DTNB: variants seen among roughly 807,000 people sequenced by gnomAD.
The protein encoded by DTNB is dystrobrevin beta, also known as DTN-B.
In DTNB, 63 loss-of-function variants were observed where a neutral mutation model predicts 90.7. The observed-to-expected ratio is 0.69, with a 90% CI of 0.57 to 0.86. DTNB has a LOEUF of 0.86. Ranked by LOEUF, DTNB falls within the 40% of genes least tolerant of loss-of-function variation. DTNB has a pLI of 0.00. For missense variants in DTNB, 744 were observed against 807.1 expected (o/e 0.92, Z 0.95); for synonymous variants, 277 against 286.7 (o/e 0.97, Z 0.34).
intron 1 of DTNB, among the ~76,000 whole-genome samples, chr2:25,667,815 C>A (rs2084840641): frequency 6.6e-6 from 1 of 152,180 alleles, no homozygotes; most frequent in Non-Finnish European, 1.5e-5. Flanking sequence ...AAAACCTGCA[C>A]ACGGATGTTT....
chr2:25,447,438 T>C (rs1002567160), intron 12 of DTNB, among the ~76,000 whole-genome samples: 2 of 152,170 alleles, frequency 1.3e-5, no homozygotes, highest in Non-Finnish European at 2.9e-5. Flanking sequence ...AGGAGACGAC[T>C]TCTTCCACTG....
At chr2:25,596,356 T>C (rs919500929) in intron 5 of DTNB, 116 bp from the exon 6 acceptor site, 2 of 1,217,794 alleles carry the variant, frequency 1.6e-6, no homozygotes, top group Non-Finnish European at 2.2e-6. Flanking sequence ...ATCATAAAAT[T>C]ATTGTGACTT....
At chr2:25,478,558 T>C (rs1453237667) in intron 10 of DTNB, among the ~76,000 whole-genome samples, 1 of 152,022 alleles carries the variant, frequency 6.6e-6, no homozygotes, top group African/African-American at 2.4e-5. Context: ...AGAGTCTCGC[T>C]ATGTTGCTGA....
chr2:25,422,695 G>A lies in DTNB; in HGVS notation c.1555-3160C>T, dbSNP rs189211655. Among the ~76,000 whole-genome samples, 790 of 152,186 alleles carry A rather than the reference G, an allele frequency of 5.2e-3. 2 individuals carry two copies. The highest frequency in any genetic ancestry group is 7.4e-3 in the Non-Finnish European group (504 of 68,004). ...TTATAGGCATGAGCCACCACGCCTG[G>A]CCTGGTAAAATGAGTTTCAAAAGCA... On this transcript the variant is annotated intron_variant, in intron 15 of 20. Transcript: ENST00000406818.
intron 4 of DTNB, among the ~76,000 whole-genome samples, chr2:25,619,223 T>C (rs2071710142): frequency 1.3e-5 from 2 of 152,204 alleles, no homozygotes; most frequent in South Asian, 4.1e-4. Flanking sequence ...TGATTGTGGA[T>C]GCTGCCAACC....
At chr2:25,515,645 T>G (rs150658357) in intron 9 of DTNB, among the ~76,000 whole-genome samples, 33 of 152,266 alleles carry the variant, frequency 2.2e-4, no homozygotes, top group African/African-American at 7.2e-4. Context: ...TAGAGTGCAA[T>G]GGCGCAATCT....
At chr2:25,386,867 C>G (rs886846628) in intron 18 of DTNB, among the ~76,000 whole-genome samples, 6 of 152,206 alleles carry the variant, frequency 3.9e-5, no homozygotes, top group Non-Finnish European at 8.8e-5. Flanking sequence ...AGCAGAAAGG[C>G]AGCAGGGGAA....
At position 25,491,210 on chromosome 2, in the gene DTNB, G is replaced by A. The variant is rs143895958; in HGVS notation, c.1002-8337C>T. Among the ~76,000 whole-genome samples, 552 of 151,938 alleles carry A rather than the reference G, an allele frequency of 3.6e-3. 5 individuals are homozygous for A. Among genetic ancestry groups the A allele is most frequent in the African/African-American group, 0.012 (516 of 41,430 alleles). On this transcript the variant is annotated intron_variant, in intron 9 of 20. Coordinates refer to ENST00000406818, the MANE Select transcript of DTNB (RefSeq NM_021907.5). ...GGAGGAAGAGGCAGGGGGAGGGAAC[G>A]AGGGAGGAGAAACTATGGTGTAGAA...
intron 9 of DTNB, among the ~76,000 whole-genome samples, chr2:25,518,334 G>A (rs1348753916): frequency 1.3e-5 from 2 of 152,136 alleles, no homozygotes; most frequent in Non-Finnish European, 2.9e-5. Context: ...CTCAAGGGCA[G>A]AGTGAAACTC....
intron 8 of DTNB, chr2:25,558,417 C>T (rs1340906966): frequency 1.2e-5 from 12 of 984,192 alleles, no homozygotes; most frequent in Non-Finnish European, 4.8e-6. Context: ...TCTGCAAGAA[C>T]AAAAAAAAGA....
intron 10 of DTNB, among the ~76,000 whole-genome samples, chr2:25,472,145 C>T (rs1159819899): frequency 1.3e-5 from 2 of 152,184 alleles, no homozygotes; most frequent in Non-Finnish European, 2.9e-5. Context: ...GGGGAGTCTA[C>T]ACCCTCAAAG....
intron 11 of DTNB, 27 bp from the exon 12 acceptor site, chr2:25,451,662 G>T: frequency 1.3e-6 from 2 of 1,546,886 alleles, no homozygotes; most frequent in South Asian, 2.4e-5. Flanking sequence ...AATGCAACAA[G>T]TGTCTATTAA....
rs936870622 is a variant in DTNB at position 25,580,791 on chromosome 2, C to A, written c.639G>T (p.Met213Ile). ...KIMLNMFLDT[M>I]MADPPPQCLV... ...GGCACTGGGGAGGAGGGTCAGCCAT[C>A]ATTGTGTCTAAAAACATATTTAGCA... The change falls in exon 7 of 21, where the codon ATG becomes ATT. Residue 213 changes from methionine (M) to isoleucine (I), a missense_variant. Physicochemically the swap from Met to Ile is conservative, Grantham distance 10. Transcript: ENST00000406818. 5 of 1,613,448 alleles carry A rather than the reference C, an allele frequency of 3.1e-6. No homozygotes were observed. The highest frequency in any genetic ancestry group is 2.5e-6 in the Non-Finnish European group (3 of 1,179,514).
At chr2:25,577,161 G>A (rs567671713) in intron 7 of DTNB, among the ~76,000 whole-genome samples, 157 bp from the exon 8 acceptor site, 1 of 152,258 alleles carries the variant, frequency 6.6e-6, no homozygotes, top group South Asian at 2.1e-4. Flanking sequence ...AGAGCCGGAT[G>A]CGGTGGCTTG....
At position 25,387,430 on chromosome 2, in the gene DTNB, G is replaced by C; in HGVS notation, c.1736-52C>G. The C allele has an allele frequency of 6.4e-7, 1 of 1,553,670 alleles. No homozygotes were observed. The highest frequency in any genetic ancestry group is 8.8e-7 in the Non-Finnish European group (1 of 1,130,834). On this transcript the variant is annotated intron_variant, in intron 17 of 20. Transcript: ENST00000406818. The surrounding 1 kb of genome is among the most constrained non-coding windows in gnomAD (Gnocchi z 4.5). ...TGCCAGGGTGGGTGAGCGTGGAGAAGAGACGGCTGAGCAAATGCCTCAGTT... is the reference window on the plus strand; with the variant it reads ...TGCCAGGGTGGGTGAGCGTGGAGAACAGACGGCTGAGCAAATGCCTCAGTT...
chr2:25,536,282 GCTCA>G (rs1400360889), intron 8 of DTNB, among the ~76,000 whole-genome samples: 1 of 151,752 alleles, frequency 6.6e-6, no homozygotes, highest in Non-Finnish European at 1.5e-5. Flanking sequence ...CAGAGATGCT[GCTCA>G]CTTCCTACAC....
At chr2:25,528,384 T>C (rs890074336) in intron 9 of DTNB, among the ~76,000 whole-genome samples, 2 of 152,142 alleles carry the variant, frequency 1.3e-5, no homozygotes, top group Admixed American at 6.5e-5. Flanking sequence ...CCACTTCTAT[T>C]CAGTATTGCA....
At chr2:25,563,913 C>T (rs921532091) in intron 8 of DTNB, among the ~76,000 whole-genome samples, 2 of 151,620 alleles carry the variant, frequency 1.3e-5, no homozygotes, top group African/African-American at 4.8e-5. Flanking sequence ...TTTTTTGAGA[C>T]GGAGTCTCAC....
At chr2:25,563,674 C>T (rs1208715171) in intron 8 of DTNB, among the ~76,000 whole-genome samples, 2 of 151,794 alleles carry the variant, frequency 1.3e-5, no homozygotes, top group Non-Finnish European at 2.9e-5. Context: ...CTGTGAATAT[C>T]CAGTTGTTGT....
Sources: gnomAD v4.1 joint callset for allele counts (sites outside exome capture counted in the v4.1 genomes callset) on GRCh38, gnomAD v4.1.1 for gene constraint, Gnocchi (gnomAD v3.1) non-coding constraint, MANE v1.5 for transcripts, NCBI Gene and HGNC (gene_info 2026-07-23, HGNC 2026-07-21) for gene names.